The following RGS7 variants were observed in gnomAD, a reference collection of about 807,000 sequenced individuals.
The protein encoded by RGS7 is regulator of G protein signaling 7.
RGS7 carries 27 observed loss-of-function variants against 81.1 expected under a neutral mutation model. That is an observed-to-expected ratio of 0.33 (90% CI 0.25 to 0.46). The LOEUF (loss-of-function observed/expected upper bound fraction) is 0.46, where lower values mean the gene tolerates loss of function less well. RGS7 is among the 20% of genes least tolerant of loss of function. The probability of loss-of-function intolerance (pLI) is 1.00; values close to 1 mark genes in which losing one functional copy is unlikely to be tolerated. For synonymous variants in RGS7, 208 were observed against 207.7 expected (o/e 1.00, Z -0.01); for missense variants, 396 against 607.4 (o/e 0.65, Z 3.66).
At chr1:241,292,362 C>G (rs2079138423) in intron 2 of RGS7, among the ~76,000 whole-genome samples, 1 of 152,034 alleles carries the variant, frequency 6.6e-6, no homozygotes, top group African/African-American at 2.4e-5. Context: ...CAACTAGCAG[C>G]TTAGTGCAAA....
At chr1:241,341,446 C>T (rs2082538704) in intron 2 of RGS7, among the ~76,000 whole-genome samples, 1 of 152,098 alleles carries the variant, frequency 6.6e-6, no homozygotes, top group South Asian at 2.1e-4. Context: ...CATAATTTGT[C>T]ATATTTACTA....
intron 2 of RGS7, among the ~76,000 whole-genome samples, chr1:241,268,089 G>C (rs1375470436): frequency 6.6e-6 from 1 of 152,182 alleles, no homozygotes; most frequent in Non-Finnish European, 1.5e-5. Context: ...GGACCTTAAG[G>C]TTGGATGACT....
chr1:240,922,825 T>C (rs1025243143), intron 6 of RGS7, among the ~76,000 whole-genome samples: 3 of 152,098 alleles, frequency 2.0e-5, no homozygotes, highest in Non-Finnish European at 4.4e-5. Flanking sequence ...AAGCTAAATA[T>C]ACTCTTACCA....
chr1:241,132,569 G>C (rs959325306), intron 2 of RGS7, among the ~76,000 whole-genome samples: 1 of 150,734 alleles, frequency 6.6e-6, no homozygotes, highest in African/African-American at 2.5e-5. Context: ...CAATACAGTT[G>C]TCACAAGTGC....
In RGS7 at chr1:241,314,016, A is replaced by G. The variant is rs143857648; in HGVS notation, c.78+41683T>C. ...AACAGATGAGGACTTGCTTCTTATGAATGTGCAAAAAAAAGTGGTTTTTTG... is the reference window on the plus strand; with the variant it reads ...AACAGATGAGGACTTGCTTCTTATGGATGTGCAAAAAAAAGTGGTTTTTTG... On this transcript the variant is annotated intron_variant, in intron 2 of 18. Transcript: ENST00000440928. Among the ~76,000 whole-genome samples, 878 of 152,322 alleles carry G rather than the reference A, an allele frequency of 5.8e-3. 5 individuals are homozygous for G. The highest frequency in any genetic ancestry group is 0.019 in the African/African-American group (810 of 41,560).
At chr1:240,955,370 G>T (rs1680199600) in intron 4 of RGS7, among the ~76,000 whole-genome samples, 1 of 152,036 alleles carries the variant, frequency 6.6e-6, no homozygotes, top group Non-Finnish European at 1.5e-5. Context: ...GGTTAACACG[G>T]TGAAACCCTG....
intron 6 of RGS7, among the ~76,000 whole-genome samples, chr1:240,901,661 T>C (rs557980278): frequency 5.3e-5 from 8 of 152,328 alleles, no homozygotes; most frequent in South Asian, 2.1e-4. Context: ...CCTGGGTTGG[T>C]TGGCATAGTT....
At chr1:241,348,966 G>A (rs530885176) in intron 2 of RGS7, among the ~76,000 whole-genome samples, 5 of 150,382 alleles carry the variant, frequency 3.3e-5, no homozygotes, top group African/African-American at 9.8e-5. Flanking sequence ...GGCATATATC[G>A]GGTGTTTAAT....
chr1:241,214,728 T>C (rs541697047), intron 2 of RGS7, among the ~76,000 whole-genome samples: 2 of 152,306 alleles, frequency 1.3e-5, no homozygotes, highest in African/African-American at 4.8e-5. Context: ...TTTTAGGTAA[T>C]TTCTATTGAT....
rs60732630 is a variant in RGS7, at chr1:240,977,091, T to TACACACACAC, written c.226+5978_226+5987dup. ...CATCTATCATCTATCTATCCATCTG[T>TACACACACAC]ACACACACACACACACACACACACA... On this transcript the variant is annotated intron_variant, in intron 4 of 18. Coordinates refer to ENST00000440928, the MANE Select transcript of RGS7 (RefSeq NM_001364886.1). 3.0e-3 allele frequency among the ~76,000 whole-genome samples: 407 copies of TACACACACAC among 133,806 alleles called. 3 individuals carry two copies. Among genetic ancestry groups the TACACACACAC allele is most frequent in the South Asian group, 6.4e-3 (25 of 3,888 alleles). The allele number at this position is 133,806 out of a possible 152,430, so 87.8% of individuals were successfully genotyped here.
At chr1:241,186,006 A>C (rs2072062582) in intron 2 of RGS7, among the ~76,000 whole-genome samples, 1 of 152,174 alleles carries the variant, frequency 6.6e-6, no homozygotes, top group Admixed American at 6.5e-5. Context: ...GCAAGAAAAC[A>C]AACAAAACCA....
chr1:240,987,157 A>C (rs1422811805), intron 3 of RGS7, among the ~76,000 whole-genome samples: 1 of 152,240 alleles, frequency 6.6e-6, no homozygotes, highest in East Asian at 1.9e-4. Flanking sequence ...AAAAATATTA[A>C]GCATTCATGA....
chr1:241,309,160 G>A (rs2080350087), intron 2 of RGS7, among the ~76,000 whole-genome samples: 1 of 152,080 alleles, frequency 6.6e-6, no homozygotes, highest in South Asian at 2.1e-4. Context: ...GCCGAGGTGG[G>A]TGGATCACCT....
intron 3 of RGS7, among the ~76,000 whole-genome samples, chr1:241,029,495 T>C (rs1432173491): frequency 6.6e-6 from 1 of 152,228 alleles, no homozygotes; most frequent in African/African-American, 2.4e-5. Context: ...AAGAACCTTT[T>C]GTTGCCCTTT....
chr1:241,078,087 T>G (rs1048301908), intron 3 of RGS7, among the ~76,000 whole-genome samples: 25 of 149,460 alleles, frequency 1.7e-4, no homozygotes, highest in African/African-American at 6.1e-4. Context: ...TAATATATAT[T>G]TATAGATCTC....
At chr1:241,189,817 A>C (rs1377819442) in intron 2 of RGS7, among the ~76,000 whole-genome samples, 1 of 152,172 alleles carries the variant, frequency 6.6e-6, no homozygotes, top group Non-Finnish European at 1.5e-5. Flanking sequence ...ATCTTTGTCC[A>C]AAAAATCAAT....
intron 3 of RGS7, among the ~76,000 whole-genome samples, chr1:241,079,471 G>GA (rs892141532): frequency 5.9e-5 from 9 of 152,228 alleles, no homozygotes; most frequent in African/African-American, 1.9e-4. Context: ...AGAGTGCTAG[G>GA]AAAATGCAAG....
At chr1:241,262,379 T>A (rs1044968294) in intron 2 of RGS7, among the ~76,000 whole-genome samples, 8 of 152,204 alleles carry the variant, frequency 5.3e-5, no homozygotes, top group Non-Finnish European at 1.2e-4. Flanking sequence ...AGTAAAGGAA[T>A]ATTTCATCTT....
rs185309438 is a variant in RGS7, at chr1:240,784,652, A to C, written c.*7-8439T>G. On this transcript the variant is annotated intron_variant, in intron 18 of 18. Transcript: ENST00000440928. ...CAGAATAAGACTCCGCCTCAAAAAA[A>C]AAAAGATTTTTTTTTTTTTGAAAAA... Among the ~76,000 whole-genome samples, 166 of 146,906 alleles carry C rather than the reference A, an allele frequency of 1.1e-3. 1 individual carries two copies. In the East Asian group the frequency reaches 0.031, roughly 27 times the overall value.
Sources: gnomAD v4.1 joint callset for allele counts (sites outside exome capture counted in the v4.1 genomes callset) on GRCh38, gnomAD v4.1.1 for gene constraint, MANE v1.5 for transcripts, NCBI Gene and HGNC (gene_info 2026-07-23, HGNC 2026-07-21) for gene names.